Variants in SLC1A3 observed in about 807,000 individuals in gnomAD.
The protein encoded by SLC1A3 is excitatory amino acid transporter 1.
SLC1A3 carries 21 observed loss-of-function variants against 48.1 expected under a neutral mutation model. That is an observed-to-expected ratio of 0.44 (90% CI 0.31 to 0.63). SLC1A3 has a LOEUF of 0.63. SLC1A3 is among the 20% of genes least tolerant of loss of function. The pLI, the probability that SLC1A3 is intolerant of heterozygous loss-of-function variation, is 0.08. For synonymous variants in SLC1A3, 239 were observed against 251.4 expected, an observed-to-expected ratio of 0.95 and a Z score of 0.47; for missense variants, 546 against 689.0, an observed-to-expected ratio of 0.79 and a Z score of 2.32.
At chr5:36,606,964 G>T (rs1336659275) in intron 1 of SLC1A3, 1 of 152,074 alleles carries the variant, frequency 6.6e-6, no homozygotes, top group African/African-American at 2.4e-5. Context: ...AGATTGTGGC[G>T]CGAGATCTAG....
At chr5:36,683,748 G>A (rs1338344039) in intron 8 of SLC1A3, 116 bp from the exon 9 acceptor site, 53 of 1,105,580 alleles carry the variant, frequency 4.8e-5, no homozygotes, top group South Asian at 1.0e-4. Context: ...TCTGAAGCGC[G>A]TCCTCTTGTG....
intron 3 of SLC1A3, among the ~76,000 whole-genome samples, chr5:36,633,414 C>G (rs1308345927): frequency 6.6e-6 from 1 of 152,150 alleles, no homozygotes; most frequent in Non-Finnish European, 1.5e-5. Flanking sequence ...GTAAAAGCAA[C>G]AGTGTCTGGG....
At chr5:36,668,913 G>C (rs1458688514) in intron 3 of SLC1A3, 1 of 152,230 alleles carries the variant, frequency 6.6e-6, no homozygotes, top group Non-Finnish European at 1.5e-5. Context: ...GGTTTCCAGT[G>C]CTCTGCCTTG....
intron 3 of SLC1A3, among the ~76,000 whole-genome samples, chr5:36,663,755 A>T (rs1468721802): frequency 6.6e-6 from 1 of 152,228 alleles, no homozygotes; most frequent in Non-Finnish European, 1.5e-5. Context: ...TATTATAAAC[A>T]GCCATAATGA....
At chr5:36,650,662 C>T (rs1741023332) in intron 3 of SLC1A3, among the ~76,000 whole-genome samples, 1 of 152,128 alleles carries the variant, frequency 6.6e-6, no homozygotes, top group South Asian at 2.1e-4. Context: ...TTCTCTTTCC[C>T]CCAAACCATT....
At chr5:36,679,912 C>A in intron 7 of SLC1A3, 52 bp downstream of exon 7, 1 of 1,313,374 alleles carries the variant, frequency 7.6e-7, no homozygotes, top group Non-Finnish European at 1.1e-6. Context: ...TGAACCAGGG[C>A]CCCTCAAGTA....
At chr5:36,617,474 A>C (rs1168584810) in intron 2 of SLC1A3, among the ~76,000 whole-genome samples, 1 of 148,768 alleles carries the variant, frequency 6.7e-6, no homozygotes, top group Non-Finnish European at 1.5e-5. Context: ...AAATAAATTA[A>C]CATAGTCCAA....
chr5:36,662,625 T>G (rs1030241925), intron 3 of SLC1A3, among the ~76,000 whole-genome samples: 3 of 152,238 alleles, frequency 2.0e-5, no homozygotes, highest in African/African-American at 7.2e-5. Flanking sequence ...TGGGCTCATG[T>G]GAAGGGTAAA....
intron 3 of SLC1A3, among the ~76,000 whole-genome samples, chr5:36,664,273 A>G (rs1741641817): frequency 6.6e-6 from 1 of 152,136 alleles, no homozygotes; most frequent in South Asian, 2.1e-4. Flanking sequence ...AGCTGGGATT[A>G]CAGGCGTGCA....
chr5:36,664,168 T>C (rs1741636133), intron 3 of SLC1A3, among the ~76,000 whole-genome samples: 1 of 152,086 alleles, frequency 6.6e-6, no homozygotes, highest in South Asian at 2.1e-4. Context: ...GTTTCGCTCT[T>C]TTTTGCCCAG....
At chr5:36,612,275 C>T (rs570875443) in intron 2 of SLC1A3, among the ~76,000 whole-genome samples, 1 of 152,254 alleles carries the variant, frequency 6.6e-6, no homozygotes, top group East Asian at 1.9e-4. Flanking sequence ...ATCATCCTGG[C>T]TAAATTTTTA....
At chr5:36,604,648 T>A (rs542736824), upstream of SLC1A3, among the ~76,000 whole-genome samples, 301 of 151,884 alleles carry the variant, frequency 2.0e-3, no homozygotes, top group Non-Finnish European at 3.4e-3. Flanking sequence ...CTACACAAAC[T>A]GAAATAATGA....
intron 5 of SLC1A3, among the ~76,000 whole-genome samples, chr5:36,674,559 A>G (rs1306679193): frequency 1.3e-5 from 2 of 152,052 alleles, no homozygotes; most frequent in African/African-American, 2.4e-5. Context: ...GAGCCAAAGC[A>G]GAAAGGAATG....
chr5:36,641,309 A>C (rs1252534627), intron 3 of SLC1A3, among the ~76,000 whole-genome samples: 1 of 152,084 alleles, frequency 6.6e-6, no homozygotes. Flanking sequence ...AGTGCCTCTA[A>C]TATTGGTAAT....
At chr5:36,601,878 G>A (rs1019989841), upstream of SLC1A3, among the ~76,000 whole-genome samples, 2 of 151,866 alleles carry the variant, frequency 1.3e-5, no homozygotes, top group Non-Finnish European at 2.9e-5. Context: ...ACCCTCTTGT[G>A]TTTGTGACTG....
chr5:36,671,938 A>C (rs371154562), intron 4 of SLC1A3, among the ~76,000 whole-genome samples: 1 of 152,096 alleles, frequency 6.6e-6, no homozygotes, highest in Admixed American at 6.6e-5. Flanking sequence ...TCTCCCCTAC[A>C]CACCTGCCCT....
At chr5:36,634,073 C>T (rs1037982840) in intron 3 of SLC1A3, among the ~76,000 whole-genome samples, 15 of 152,016 alleles carry the variant, frequency 9.9e-5, no homozygotes, top group African/African-American at 3.4e-4. Context: ...GTCACATGTT[C>T]GAGACCAGCC....
intron 8 of SLC1A3, 38 bp downstream of exon 8, chr5:36,680,627 T>C (rs1742401655): frequency 6.4e-7 from 1 of 1,560,474 alleles, no homozygotes; most frequent in Admixed American, 1.7e-5. Context: ...TTCTTAAGAA[T>C]GCCTTTAAGG....
rs190370790 is a variant in SLC1A3 at position 36,597,691 on chromosome 5, A to G, written c.-96+1013A>G. Among the ~76,000 whole-genome samples, 3 of 152,140 alleles carry G rather than the reference A, an allele frequency of 2.0e-5. No homozygotes were observed. The East Asian group carries it at 5.8e-4, about 30-fold the overall frequency. ...TTTTTCTGACCTCTTGCCGTGGGTA[A>G]ACAGCAATCTGGGCCCCCTTGCTGG... is the stretch of plus-strand genomic sequence containing the variant. On this transcript the variant is annotated intron_variant, in intron 1 of 9. Coordinates refer to the SLC1A3 transcript ENST00000680318.
Sources: gnomAD v4.1 joint callset for allele counts (sites outside exome capture counted in the v4.1 genomes callset) on GRCh38, gnomAD v4.1.1 for gene constraint, MANE v1.5 for transcripts, NCBI Gene and HGNC (gene_info 2026-07-23, HGNC 2026-07-21) for gene names.